Variants in PPFIA3 observed in about 807,000 individuals in gnomAD.
PPFIA3 encodes liprin-alpha-3.
In PPFIA3, 26 loss-of-function variants were observed where a neutral mutation model predicts 145.8. The ratio of observed to expected loss-of-function variants is 0.18; its 90% CI spans 0.13 to 0.25. The LOEUF is 0.25. Among genes scored for constraint, PPFIA3 ranks in the 10% least tolerant of loss-of-function variants. The probability of loss-of-function intolerance (pLI) is 1.00; values close to 1 mark genes in which losing one functional copy is unlikely to be tolerated. For missense variants in PPFIA3, 1,008 were observed against 1,587.8 expected, an observed-to-expected ratio of 0.63 and a Z score of 6.21; for synonymous variants, 645 against 661.4, an observed-to-expected ratio of 0.98 and a Z score of 0.38.
intron 21 of PPFIA3, among the ~76,000 whole-genome samples, chr19:49,145,106 T>G (rs1490802353): frequency 6.6e-6 from 1 of 152,038 alleles, no homozygotes; most frequent in African/African-American, 2.4e-5. Context: ...AATTTTTGTA[T>G]TTTTAGTAGA....
In PPFIA3 at chr19:49,133,762, G is replaced by A. The variant is rs1454177561; in HGVS notation, c.1162-34G>A. 1.9e-6 allele frequency: 3 copies of A among 1,605,352 alleles called. No homozygotes were observed. Among genetic ancestry groups the A allele is most frequent in the Non-Finnish European group, 2.6e-6 (3 of 1,174,184 alleles). On this transcript the variant is annotated intron_variant, in intron 9 of 29. Coordinates refer to ENST00000334186, the MANE Select transcript of PPFIA3 (RefSeq NM_003660.4). The surrounding 1 kb of genome is among the most constrained non-coding windows in gnomAD (Gnocchi z 7.2). ...GCTGGGAGCCTGACTGATCCTGGAA[G>A]GGTAAGTCACACGCCATGGGTTCCA...
At chr19:49,146,252 C>G in intron 23 of PPFIA3, 60 bp downstream of exon 23, 2 of 1,580,690 alleles carry the variant, frequency 1.3e-6, no homozygotes, top group Non-Finnish European at 8.6e-7. Context: ...GCATGGATGC[C>G]CCTCCTCCGA....
Position 49,150,103 on chromosome 19 carries a change from G to A in PPFIA3, c.3550G>A (p.Ala1184Thr). 1 of 1,610,718 alleles carries A rather than the reference G, an allele frequency of 6.2e-7. No homozygotes were observed. Among genetic ancestry groups the A allele is most frequent in the Non-Finnish European group, 8.5e-7 (1 of 1,178,852 alleles). Residue 1184 changes from alanine (A) to threonine (T), a missense_variant, in exon 29 of 30, where the codon GCA (alanine) becomes ACA (threonine). Transcript: ENST00000334186. The stretch of plus-strand genomic sequence containing the variant: ...AGGCCAGACTTCTGGGAGTTCCCGG[G>A]CAGACGGCGTTTCGGTCCGGACCTA... Reference protein sequence around the residue: ...PEGQTSGSSRADGVSVRTYSC With the variant: ...PEGQTSGSSRTDGVSVRTYSC
At chr19:49,138,483 A>C in intron 16 of PPFIA3, 56 bp downstream of exon 16, 1 of 1,395,560 alleles carries the variant, frequency 7.2e-7, no homozygotes, top group African/African-American at 1.4e-5. Context: ...GGTCAGAGGC[A>C]GGGCTCCCCA....
Position 49,128,008 on chromosome 19 carries a change from G to A in PPFIA3, c.135G>A (p.Thr45=), listed in dbSNP as rs1253935973. The change falls in exon 2 of 30, where the codon ACG becomes ACA. Residue 45 remains threonine, a synonymous_variant. Coordinates refer to ENST00000334186, the MANE Select transcript of PPFIA3 (RefSeq NM_003660.4). The surrounding 1 kb of genome is among the most constrained non-coding windows in gnomAD (Gnocchi z 4.1). ...MLTERERLLE[T]LREAQDGLAT... is the part of the protein sequence containing the mutation. ...CGGAGCGCGAGCGCCTGCTGGAGAC[G>A]CTGCGCGAGGCACAGGACGGGTTGG... 2 of 1,596,548 alleles carry A rather than the reference G, an allele frequency of 1.3e-6. No individual in the cohort carries two copies. Among genetic ancestry groups the A allele is most frequent in the Non-Finnish European group, 1.7e-6 (2 of 1,179,002 alleles).
chr19:49,149,474 G>A lies in PPFIA3; in HGVS notation c.3355-73G>A, dbSNP rs2122665099. 3 of 1,596,070 alleles carry A rather than the reference G, an allele frequency of 1.9e-6. No individual in the cohort carries two copies. The highest frequency in any genetic ancestry group is 1.7e-5 in the Admixed American group (1 of 59,034). On this transcript the variant is annotated intron_variant, in intron 27 of 29. Transcript: ENST00000334186. The surrounding 1 kb of genome is among the most constrained non-coding windows in gnomAD (Gnocchi z 5.7). ...AAAGGAGAGGTGAGACCCGGAGAGGGGTGGAGTCAAAGGAAGGGGCGGAGT... is the reference window on the plus strand; with the variant it reads ...AAAGGAGAGGTGAGACCCGGAGAGGAGTGGAGTCAAAGGAAGGGGCGGAGT...
chr19:49,142,097 C>G lies in PPFIA3; in HGVS notation c.2526C>G (p.Thr842=). ...GLPFAAWDGP[T]VVSWLELWVG... is the part of the protein sequence containing the mutation. ...CTTTTGCTGCCTGGGACGGGCCCAC[C>G]GTGGTGTCCTGGCTGGAGGTACTGG... Residue 842 remains threonine (T), a synonymous_variant, in exon 20 of 30, where the codon ACC becomes ACG. Coordinates refer to ENST00000334186, the MANE Select transcript of PPFIA3 (RefSeq NM_003660.4). 2 of 1,574,362 alleles carry G rather than the reference C, an allele frequency of 1.3e-6. No individual in the cohort carries two copies. Among genetic ancestry groups the G allele is most frequent in the East Asian group, 2.3e-5 (1 of 43,314 alleles).
chr19:49,134,947 A>T, intron 13 of PPFIA3, 32 bp downstream of exon 13: 1 of 1,514,796 alleles, frequency 6.6e-7, no homozygotes, highest in Non-Finnish European at 8.8e-7. Context: ...TGCCCCCACC[A>T]TGGAGCCCCG....
intron 18 of PPFIA3, 37 bp from the exon 19 acceptor site, chr19:49,141,383 T>G: frequency 2.9e-4 from 444 of 1,524,360 alleles, no homozygotes; most frequent in Non-Finnish European, 3.7e-4. Flanking sequence ...GCCTCCCCCT[T>G]GAGATTTTCC....
intron 16 of PPFIA3, among the ~76,000 whole-genome samples, chr19:49,139,269 G>A (rs1468034234): frequency 6.6e-6 from 1 of 151,150 alleles, no homozygotes; most frequent in African/African-American, 2.4e-5. Flanking sequence ...AGGTTGCAGT[G>A]AGCTGAGATC....
At chr19:49,148,838 G>T in intron 25 of PPFIA3, 75 bp downstream of exon 25, 1 of 1,544,898 alleles carries the variant, frequency 6.5e-7, no homozygotes, top group South Asian at 1.1e-5. Flanking sequence ...AGGGGGTAGG[G>T]GGAGACCGGA....
chr19:49,148,347 C>G, intron 24 of PPFIA3, 89 bp downstream of exon 24: 1 of 1,400,564 alleles, frequency 7.1e-7, no homozygotes, highest in Non-Finnish European at 9.6e-7. Flanking sequence ...TGGGAGATTC[C>G]CAGGCTTATC....
chr19:49,150,479 C>T lies in PPFIA3; in HGVS notation c.*257C>T. On this transcript the variant is annotated 3_prime_UTR_variant, in exon 30 of 30. Transcript: ENST00000334186. ...AATCCCGCCCCAAACGTCCGCTTTC[C>T]TTTTCTCTACTTTGTAATTTATTGA... 1 of 236,112 alleles carries T rather than the reference C, an allele frequency of 4.2e-6. No individual in the cohort carries two copies. The allele number at this position is 236,112 out of a possible 1,614,324, so 14.6% of individuals were successfully genotyped here. A position where few individuals can be genotyped will look rare whatever the true frequency, so the allele number is the denominator to read the frequency against.
rs766903535 is a variant in PPFIA3, at chr19:49,134,953, C to A, written c.1520+38C>A. The A allele has an allele frequency of 4.1e-5, 61 of 1,502,222 alleles. 1 individual carries two copies. Among genetic ancestry groups the A allele is most frequent in the South Asian group, 1.5e-4 (11 of 74,108 alleles). The allele number at this position is 1,502,222 out of a possible 1,614,324, so 93.1% of individuals were successfully genotyped here. On this transcript the variant is annotated intron_variant, in intron 13 of 29. Coordinates refer to ENST00000334186, the MANE Select transcript of PPFIA3 (RefSeq NM_003660.4). ...CTTCTGCCCTGCCCCCACCATGGAG[C>A]CCCGTTGGCCAAGCGCCAAGCTCCT...
chr19:49,122,845 C>T (rs2040953465), intron 1 of PPFIA3, among the ~76,000 whole-genome samples: 3 of 151,480 alleles, frequency 2.0e-5, no homozygotes, highest in Non-Finnish European at 4.4e-5. Flanking sequence ...CCTCAGCCTC[C>T]CAAGTAGCTG....
chr19:49,143,273 G>A lies in PPFIA3; in HGVS notation c.2745+269G>A, dbSNP rs150912790. Among the ~76,000 whole-genome samples the A allele has an allele frequency of 4.2e-3, 643 of 152,324 alleles. 11 individuals are homozygous for A. The highest frequency in any genetic ancestry group is 0.027 in the Middle Eastern group (8 of 294). The stretch of plus-strand genomic sequence containing the variant: ...ACTCAAATGTCACCACCTCTAAGAA[G>A]CTTTCTTTGTCAGCTAAACGAGTTT... On this transcript the variant is annotated intron_variant, in intron 21 of 29. Transcript: ENST00000334186.
chr19:49,128,387 G>T lies in PPFIA3; in HGVS notation c.261G>T (p.Lys87Asn). 6.2e-7 allele frequency: 1 copy of T among 1,614,018 alleles called. No homozygotes were observed. Among genetic ancestry groups the T allele is most frequent in the Non-Finnish European group, 8.5e-7 (1 of 1,179,974 alleles). The change falls in exon 3 of 30, where the codon AAG becomes AAT. Residue 87 changes from lysine to asparagine, a missense_variant. By Grantham distance (94) the Lys-to-Asn change is moderately conservative. Coordinates refer to ENST00000334186, the MANE Select transcript of PPFIA3 (RefSeq NM_003660.4). This position sits in a 1 kb window ranked among gnomAD's most constrained non-coding sequence, Gnocchi z 4.1. The part of the protein sequence containing the change: ...ALPQEFAALT[K>N]ELNLCREQLL... ...GACAGGAGTTTGCAGCTCTGACGAAGGAGCTGAACTTATGTCGGGAGCAGC... is the reference window on the plus strand; with the variant it reads ...GACAGGAGTTTGCAGCTCTGACGAATGAGCTGAACTTATGTCGGGAGCAGC...
Position 49,149,648 on chromosome 19 carries a change from C to T in PPFIA3, c.3456C>T (p.Pro1152=), listed in dbSNP as rs975221820. 6.8e-6 allele frequency: 11 copies of T among 1,614,072 alleles called. No homozygotes were observed. The highest frequency in any genetic ancestry group is 9.3e-6 in the Non-Finnish European group (11 of 1,180,034). Residue 1152 remains proline, a synonymous_variant, in exon 28 of 30, where the codon CCC becomes CCT. Transcript: ENST00000334186. The surrounding 1 kb of genome is among the most constrained non-coding windows in gnomAD (Gnocchi z 5.7). ...VTPDSAEMLP[P]NFRSAAAGAL... ...CCGACTCAGCTGAGATGTTGCCCCC[C>T]AACTTTCGTTCGGCTGCAGCGGGAG...
In PPFIA3 at chr19:49,142,036, A is replaced by C. The variant is rs1473800971; in HGVS notation, c.2465A>C (p.His822Pro). 1.3e-6 allele frequency: 2 copies of C among 1,565,218 alleles called. No individual in the cohort carries two copies. Among genetic ancestry groups the C allele is most frequent in the Non-Finnish European group, 1.7e-6 (2 of 1,154,372 alleles). ...GDKDRRNKRK[H>P]ELLEEACRQG... Reference sequence around the variant, plus strand: ...TCCTGGCCCCTTCACCCTTACAGGCATGAACTCCTGGAGGAGGCCTGCCGC... The same window carrying C: ...TCCTGGCCCCTTCACCCTTACAGGCCTGAACTCCTGGAGGAGGCCTGCCGC... The change falls in exon 20 of 30, where the codon CAT becomes CCT. Residue 822 changes from histidine (H) to proline (P), a missense_variant and splice_region_variant. This residue lies in a region of PPFIA3 where 154 missense variants were observed against 369.2 expected (regional missense o/e 0.42). Transcript: ENST00000334186.
Sources: allele counts gnomAD v4.1 joint callset (sites outside exome capture counted in the v4.1 genomes callset), GRCh38; gene constraint gnomAD v4.1.1; regional missense constraint gnomAD v4.1.1; non-coding constraint Gnocchi (gnomAD v3.1); transcripts MANE v1.5; gene names NCBI Gene and HGNC (gene_info 2026-07-23, HGNC 2026-07-21).